The following PTP4A2 variants were observed in gnomAD, a reference collection of about 807,000 sequenced individuals.
The protein encoded by PTP4A2 is protein tyrosine phosphatase 4A2, also known as protein tyrosine phosphatase type IVA 2.
In PTP4A2, 2 loss-of-function variants were observed where a neutral mutation model predicts 22.9. The ratio of observed to expected loss-of-function variants is 0.09; its 90% CI spans 0.04 to 0.27. PTP4A2 has a LOEUF of 0.27. Among genes scored for constraint, PTP4A2 ranks in the 10% least tolerant of loss-of-function variants. PTP4A2 has a pLI of 1.00. For synonymous variants in PTP4A2, 68 were observed against 69.1 expected (o/e 0.98, Z 0.08); for missense variants, 103 against 205.1 (o/e 0.50, Z 3.04).
In PTP4A2 at chr1:31,910,078, A is replaced by C; in HGVS notation, c.355T>G (p.Cys119Gly). 1 of 1,613,698 alleles carries C rather than the reference A, an allele frequency of 6.2e-7. No individual in the cohort carries two copies. Among genetic ancestry groups the C allele is most frequent in the Non-Finnish European group, 8.5e-7 (1 of 1,179,908 alleles). Residue 119 changes from cysteine (C) to glycine (G), a missense_variant, in exon 5 of 6, where the codon TGT (cysteine) becomes GGT (glycine). This residue lies in a region of PTP4A2 where 35 missense variants were observed against 64.5 expected (regional missense o/e 0.54). Transcript: ENST00000647444. ...ACTGCATCTTCGTACTTCATTCCAC[A>C]TTCAATCAAAGCAAGTGCAACCAGC... Reference protein sequence around the residue: ...PVLVALALIECGMKYEDAVQF... With the variant: ...PVLVALALIEGGMKYEDAVQF...
At chr1:31,915,806 T>C in intron 3 of PTP4A2, 89 bp downstream of exon 3, 2 of 809,478 alleles carry the variant, frequency 2.5e-6, no homozygotes, top group Non-Finnish European at 4.0e-6. Flanking sequence ...GGATTATAGG[T>C]GTGAGCCAGT....
At chr1:31,923,395 C>T (rs1413272592) in intron 1 of PTP4A2, among the ~76,000 whole-genome samples, 13 of 137,178 alleles carry the variant, frequency 9.5e-5, no homozygotes, top group Non-Finnish European at 2.0e-4. Context: ...AGTGCAGTGG[C>T]GCGATCTCGG....
chr1:31,908,953 T>G lies in PTP4A2; in HGVS notation c.403A>C (p.Arg135=). Reference sequence around the variant, plus strand: ...AGCTGTTTGGAATTGAACGCTCCCCTTCTTTTTCTGAAAATACAAGAATGG... The same window carrying G: ...AGCTGTTTGGAATTGAACGCTCCCCGTCTTTTTCTGAAAATACAAGAATGG... The part of the protein sequence containing the change: ...DAVQFIRQKR[R]GAFNSKQLLY... Residue 135 remains arginine, a synonymous_variant, in exon 6 of 6, where the codon AGG becomes CGG. Transcript: ENST00000647444. The G allele has an allele frequency of 6.2e-7, 1 of 1,611,872 alleles. No individual in the cohort carries two copies. Among genetic ancestry groups the G allele is most frequent in the Non-Finnish European group, 8.5e-7 (1 of 1,178,330 alleles).
intron 1 of PTP4A2, among the ~76,000 whole-genome samples, chr1:31,922,952 G>A (rs1652262057): frequency 6.7e-6 from 1 of 149,662 alleles, no homozygotes; most frequent in Admixed American, 6.6e-5. Flanking sequence ...TTTTTTTTGA[G>A]AGAGAGTCTT....
intron 5 of PTP4A2, among the ~76,000 whole-genome samples, chr1:31,909,403 TG>T (rs1651411835): frequency 6.6e-6 from 1 of 152,076 alleles, no homozygotes; most frequent in South Asian, 2.1e-4. Flanking sequence ...AGGCCAGGCG[TG>T]GTGGCTCACG....
At chr1:31,915,777 T>C (rs987938044) in intron 3 of PTP4A2, 118 bp downstream of exon 3, 2 of 657,934 alleles carry the variant, frequency 3.0e-6, no homozygotes, top group Non-Finnish European at 5.1e-6. Flanking sequence ...TGGGTTCAAG[T>C]GATCTTCCCA....
Position 31,908,879 on chromosome 1 carries a change from A to G in PTP4A2, c.477T>C (p.Asp159=), listed in dbSNP as rs143857852. ...YRPKMRLRFR[D]TNGHCCVQ Reference sequence around the variant, plus strand: ...ACTGAACACAGCAATGCCCATTGGTATCTCTGAAGCGTAATCGCATCTTAG... The same window carrying G: ...ACTGAACACAGCAATGCCCATTGGTGTCTCTGAAGCGTAATCGCATCTTAG... Residue 159 remains aspartate, a synonymous_variant, in exon 6 of 6, where the codon GAT becomes GAC. Coordinates refer to ENST00000647444, the MANE Select transcript of PTP4A2 (RefSeq NM_080391.4). 6.2e-7 allele frequency: 1 copy of G among 1,613,618 alleles called. No homozygotes were observed. The highest frequency in any genetic ancestry group is 1.3e-5 in the African/African-American group (1 of 75,042).
At position 31,910,002 on chromosome 1, in the gene PTP4A2, T is replaced by C. The variant is rs369365506; in HGVS notation, c.395+36A>G. On this transcript the variant is annotated intron_variant, in intron 5 of 5. Coordinates refer to ENST00000647444, the MANE Select transcript of PTP4A2 (RefSeq NM_080391.4). ...ATTCCTTCCTCATGCATGATCTTGC[T>C]TTCTGTGTTTCTGAACACAAAAACT... 844 of 1,530,952 alleles carry C rather than the reference T, an allele frequency of 5.5e-4. 2 individuals carry two copies. Among genetic ancestry groups the C allele is most frequent in the Non-Finnish European group, 4.9e-4 (538 of 1,107,132 alleles). 94.8% of individuals were successfully genotyped at this position (1,530,952 alleles called of 1,614,324 possible). A position where few individuals can be genotyped will look rare whatever the true frequency, so the allele number is the denominator to read the frequency against.
At chr1:31,916,103 T>G (rs665923) in intron 2 of PTP4A2, 116 bp from the exon 3 acceptor site, 1 of 619,516 alleles carries the variant, frequency 1.6e-6, no homozygotes, top group African/African-American at 1.9e-5. Context: ...CCCAGCACTT[T>G]GGGAGGCCTG....
chr1:31,913,500 A>G (rs771375267), intron 3 of PTP4A2, among the ~76,000 whole-genome samples: 96 of 152,302 alleles, frequency 6.3e-4, no homozygotes, highest in Non-Finnish European at 1.3e-3. Context: ...GCTGTTTTCT[A>G]TAGTGGTTGT....
At position 31,906,762 on chromosome 1, in the gene PTP4A2, ACACACACACACACACACACACACACC is replaced by A. The variant is rs1651189753; in HGVS notation, c.*2064_*2089del. On this transcript the variant is annotated 3_prime_UTR_variant, in exon 6 of 6. Coordinates refer to ENST00000647444, the MANE Select transcript of PTP4A2 (RefSeq NM_080391.4). ...CACACACACACACACACATACACAC[ACACACACACACACACACACACACACC>A]CCCTCCCCCCAAACAACAAAATTCA... 1.4e-5 allele frequency: 2 copies of A among 140,904 alleles called. No individual in the cohort carries two copies. The highest frequency in any genetic ancestry group is 3.1e-5 in the Non-Finnish European group (2 of 64,926). The allele number at this position is 140,904 out of a possible 1,614,324, so 8.7% of individuals were successfully genotyped here.
At chr1:31,909,177 T>C (rs1441261152) in intron 5 of PTP4A2, among the ~76,000 whole-genome samples, 3 of 152,242 alleles carry the variant, frequency 2.0e-5, no homozygotes, top group Non-Finnish European at 2.9e-5. Context: ...ACTGTCATTA[T>C]AGTCTATTAA....
intron 3 of PTP4A2, 111 bp from the exon 4 acceptor site, chr1:31,911,937 C>G: frequency 1.8e-6 from 1 of 570,072 alleles, no homozygotes. Flanking sequence ...ACTAACTGCA[C>G]TATATATACC....
At chr1:31,919,882 T>C (rs1652046608) in intron 1 of PTP4A2, among the ~76,000 whole-genome samples, 2 of 151,424 alleles carry the variant, frequency 1.3e-5, no homozygotes, top group Non-Finnish European at 2.9e-5. Context: ...ATCCTAGCAC[T>C]TTGGGAGGCT....
intron 3 of PTP4A2, among the ~76,000 whole-genome samples, chr1:31,915,328 A>C (rs564497777): frequency 6.6e-6 from 1 of 152,154 alleles, no homozygotes; most frequent in South Asian, 2.1e-4. Flanking sequence ...TACAACCTTA[A>C]AAAAATCCAA....
rs1651203214 is a variant in PTP4A2, at chr1:31,906,923, A to G, written c.*1929T>C. 6.6e-6 allele frequency: 1 copy of G among 152,220 alleles called. No homozygotes were observed. Among genetic ancestry groups the G allele is most frequent in the South Asian group, 2.1e-4 (1 of 4,834 alleles). The allele number at this position is 152,220 out of a possible 1,614,324, so 9.4% of individuals were successfully genotyped here. A position where few individuals can be genotyped will look rare whatever the true frequency, so the allele number is the denominator to read the frequency against. ...GCTGTTTTGATCTTGAGTCTATATT[A>G]ATGGAATCTATTGTTGCATTCTGAA... is the stretch of plus-strand genomic sequence containing the variant. On this transcript the variant is annotated 3_prime_UTR_variant, in exon 6 of 6. Transcript: ENST00000647444.
intron 5 of PTP4A2, among the ~76,000 whole-genome samples, chr1:31,909,227 C>CT (rs1651402508): frequency 6.6e-6 from 1 of 151,980 alleles, no homozygotes; most frequent in Non-Finnish European, 1.5e-5. Context: ...CTTTCGTTTT[C>CT]TTTTTTTAAA....
chr1:31,914,781 T>C (rs1651737433), intron 3 of PTP4A2, among the ~76,000 whole-genome samples: 1 of 152,212 alleles, frequency 6.6e-6, no homozygotes, highest in Non-Finnish European at 1.5e-5. Context: ...GATGCTCCCA[T>C]TTGCTATAAG....
rs1054735292 is a variant in PTP4A2 at position 31,907,940 on chromosome 1, C to T, written c.*912G>A. On this transcript the variant is annotated 3_prime_UTR_variant, in exon 6 of 6. Transcript: ENST00000647444. ...TCATTGGTTAGGGAAGAGAAGAATT[C>T]GACTCTCAGGTAAGTTGAGAAGAGA... 6.0e-5 allele frequency: 9 copies of T among 150,436 alleles called. 1 individual carries two copies. The East Asian group carries it at 1.6e-3, about 26-fold the overall frequency. 9.3% of individuals were successfully genotyped at this position (150,436 alleles called of 1,614,324 possible).
Sources: gnomAD v4.1 joint callset for allele counts (sites outside exome capture counted in the v4.1 genomes callset) on GRCh38, gnomAD v4.1.1 for gene constraint, gnomAD v4.1.1 regional missense constraint, MANE v1.5 for transcripts, NCBI Gene and HGNC (gene_info 2026-07-23, HGNC 2026-07-21) for gene names.